The following KCTD8 variants were observed in gnomAD, a reference collection of about 807,000 sequenced individuals.
KCTD8 encodes the protein BTB/POZ domain-containing protein KCTD8.
A neutral mutation model predicts 31.5 loss-of-function variants in KCTD8; 27 were observed. The ratio of observed to expected loss-of-function variants is 0.86; its 90% CI spans 0.63 to 1.18. KCTD8 has a LOEUF of 1.18. Among genes scored for constraint, KCTD8 ranks in the 50% most tolerant of loss-of-function variants. KCTD8 has a pLI of 0.00. For missense variants in KCTD8, 658 were observed against 647.7 expected, an observed-to-expected ratio of 1.02 and a Z score of -0.17; for synonymous variants, 290 against 280.0, an observed-to-expected ratio of 1.04 and a Z score of -0.36.
At chr4:44,260,948 C>T (rs1251632841) in intron 1 of KCTD8, among the ~76,000 whole-genome samples, 1 of 151,826 alleles carries the variant, frequency 6.6e-6, no homozygotes, top group Non-Finnish European at 1.5e-5. Flanking sequence ...TGAGCTAGAA[C>T]CTATTGAGTT....
chr4:44,432,755 T>C (rs559813770), intron 1 of KCTD8, among the ~76,000 whole-genome samples: 1 of 151,846 alleles, frequency 6.6e-6, no homozygotes, highest in Non-Finnish European at 1.5e-5. Context: ...GTTCTGCAAT[T>C]TGTTACCATT....
intron 1 of KCTD8, among the ~76,000 whole-genome samples, chr4:44,355,051 A>G (rs1719306764): frequency 6.6e-6 from 1 of 152,204 alleles, no homozygotes; most frequent in Non-Finnish European, 1.5e-5. Flanking sequence ...TAATTGTTGT[A>G]TTAAAACTAA....
At chr4:44,295,669 G>T (rs548547730) in intron 1 of KCTD8, among the ~76,000 whole-genome samples, 5 of 152,068 alleles carry the variant, frequency 3.3e-5, no homozygotes, top group Non-Finnish European at 7.4e-5. Context: ...AATTTGTAAA[G>T]AAGTTTCTCA....
At chr4:44,339,674 T>C (rs532903649) in intron 1 of KCTD8, among the ~76,000 whole-genome samples, 82 of 152,240 alleles carry the variant, frequency 5.4e-4, no homozygotes, top group African/African-American at 1.9e-3. Context: ...ATTTTATAAC[T>C]TTCAACCAGC....
intron 1 of KCTD8, among the ~76,000 whole-genome samples, chr4:44,242,556 C>T (rs1560403981): frequency 6.6e-6 from 1 of 151,590 alleles, no homozygotes. Context: ...CTGGACTGGG[C>T]GAAAGGGCGG....
chr4:44,384,805 C>T (rs1014836145), intron 1 of KCTD8, among the ~76,000 whole-genome samples: 5 of 151,576 alleles, frequency 3.3e-5, no homozygotes, highest in African/African-American at 4.8e-5. Flanking sequence ...GTTCTCAACA[C>T]AAAAAGGGAT....
intron 1 of KCTD8, among the ~76,000 whole-genome samples, chr4:44,220,595 T>C (rs1253910144): frequency 6.6e-6 from 1 of 152,148 alleles, no homozygotes; most frequent in Admixed American, 6.6e-5. Flanking sequence ...TATTTCTCCC[T>C]CCAAAAAGAG....
chr4:44,364,668 G>A (rs1056755793), intron 1 of KCTD8, among the ~76,000 whole-genome samples: 1 of 152,088 alleles, frequency 6.6e-6, no homozygotes, highest in Non-Finnish European at 1.5e-5. Flanking sequence ...CAACCAAGAT[G>A]TCCTTTAATA....
intron 1 of KCTD8, among the ~76,000 whole-genome samples, chr4:44,240,282 C>CGGCTT (rs1244855653): frequency 6.6e-6 from 1 of 152,190 alleles, no homozygotes; most frequent in African/African-American, 2.4e-5. Context: ...ACAGACTTCA[C>CGGCTT]GGCTTACATT....
At chr4:44,218,124 CTTTTTTTTTTTTTTTT>C (rs570521203) in intron 1 of KCTD8, among the ~76,000 whole-genome samples, 119 of 91,540 alleles carry the variant, frequency 1.3e-3, no homozygotes, top group African/African-American at 5.8e-3. Context: ...TTAAAATGTC[CTTTTTTTTTTTTTTTT>C]TTTTTTTTTT....
intron 1 of KCTD8, among the ~76,000 whole-genome samples, chr4:44,348,458 C>G (rs17652820): frequency 0.063 from 9,557 of 152,014 alleles, 479 homozygotes; most frequent in East Asian, 0.16. Context: ...TATAAACTAG[C>G]CAGAATCTCA....
At chr4:44,433,821 C>T (rs998383986) in intron 1 of KCTD8, among the ~76,000 whole-genome samples, 1 of 151,596 alleles carries the variant, frequency 6.6e-6, no homozygotes, top group Non-Finnish European at 1.5e-5. Flanking sequence ...GATTATACCA[C>T]CTATATAGCA....
intron 1 of KCTD8, among the ~76,000 whole-genome samples, chr4:44,414,448 T>C (rs1038725684): frequency 2.0e-5 from 3 of 152,066 alleles, no homozygotes; most frequent in Admixed American, 6.5e-5. Context: ...GTGCTCTGGG[T>C]AGTGGGCTAT....
At chr4:44,235,713 T>C (rs924394289) in intron 1 of KCTD8, among the ~76,000 whole-genome samples, 2 of 151,364 alleles carry the variant, frequency 1.3e-5, no homozygotes, top group African/African-American at 4.8e-5. Context: ...AAGTAGTACA[T>C]AGGATTTAAC....
chr4:44,301,714 T>G (rs1489127560), intron 1 of KCTD8, among the ~76,000 whole-genome samples: 1 of 152,328 alleles, frequency 6.6e-6, no homozygotes, highest in Admixed American at 6.5e-5. Context: ...AGAAGCTCTT[T>G]AGTTTAATTA....
chr4:44,190,546 A>G (rs1159882122), intron 1 of KCTD8, among the ~76,000 whole-genome samples: 1 of 152,208 alleles, frequency 6.6e-6, no homozygotes, highest in African/African-American at 2.4e-5. Flanking sequence ...GACTTGGCCA[A>G]TCATAATGCC....
chr4:44,253,083 T>C (rs1454258783), intron 1 of KCTD8, among the ~76,000 whole-genome samples: 1 of 151,758 alleles, frequency 6.6e-6, no homozygotes, highest in African/African-American at 2.4e-5. Context: ...ATTCATTATG[T>C]GTTTTGTTTA....
chr4:44,183,986 A>C (rs1212104684), intron 1 of KCTD8, among the ~76,000 whole-genome samples: 1 of 152,186 alleles, frequency 6.6e-6, no homozygotes, highest in African/African-American at 2.4e-5. Flanking sequence ...AAAAGGGAAA[A>C]ACTCCATTTT....
chr4:44,283,223 T>A (rs1243317393), intron 1 of KCTD8, among the ~76,000 whole-genome samples: 1 of 151,970 alleles, frequency 6.6e-6, no homozygotes, highest in African/African-American at 2.4e-5. Flanking sequence ...CTAATTTTTG[T>A]ATTTTTAGTA....
Sources: gnomAD v4.1 joint callset for allele counts (sites outside exome capture counted in the v4.1 genomes callset) on GRCh38, gnomAD v4.1.1 for gene constraint, MANE v1.5 for transcripts, NCBI Gene and HGNC (gene_info 2026-07-23, HGNC 2026-07-21) for gene names.